Variants in MRPS11 observed in about 807,000 individuals in gnomAD.
MRPS11 encodes the protein small ribosomal subunit protein uS11m.
A neutral mutation model predicts 24.3 loss-of-function variants in MRPS11; 27 were observed. That is an observed-to-expected ratio of 1.11 (90% CI 0.82 to 1.53). The LOEUF (loss-of-function observed/expected upper bound fraction) is 1.53. MRPS11 is among the 40% of genes most tolerant of loss of function. MRPS11 has a pLI of 0.00. For synonymous variants in MRPS11, 104 were observed against 98.7 expected (o/e 1.05, Z -0.32); for missense variants, 277 against 256.5 (o/e 1.08, Z -0.55).
In MRPS11 at chr15:88,477,917, A is replaced by G. The variant is rs149376629; in HGVS notation, c.523A>G (p.Ile175Val). The change falls in exon 6 of 6, where the codon ATC (isoleucine) becomes GTC (valine). Residue 175 changes from isoleucine (I) to valine (V), a missense_variant. Transcript: ENST00000325844. This position sits in a 1 kb window ranked among gnomAD's most constrained non-coding sequence, Gnocchi z 5.7. ...LIMGGLEVIS[I>V]TDNTPIPHNG... ...CATGGGCGGCCTGGAAGTGATCTCA[A>G]TCACAGACAACACCCCAATCCCACA... 1.6e-4 allele frequency: 259 copies of G among 1,614,118 alleles called. No individual in the cohort carries two copies. Among genetic ancestry groups the G allele is most frequent in the Non-Finnish European group, 2.0e-4 (237 of 1,180,026 alleles).
In MRPS11 at chr15:88,474,350, G is replaced by A. The variant is rs540717744; in HGVS notation, c.282-760G>A. Among the ~76,000 whole-genome samples the A allele has an allele frequency of 5.9e-5, 9 of 152,020 alleles. No individual in the cohort carries two copies. The East Asian group carries it at 9.7e-4, about 16-fold the overall frequency. On this transcript the variant is annotated intron_variant, in intron 3 of 5. Transcript: ENST00000325844. ...CAAGGCGGGCAGATCACCTGAGGTCGGGAGTTCAAGACCGGCCTGCCCAAC... is the reference window on the plus strand; with the variant it reads ...CAAGGCGGGCAGATCACCTGAGGTCAGGAGTTCAAGACCGGCCTGCCCAAC...
Position 88,477,179 on chromosome 15 carries a change from C to A in MRPS11, c.477+125C>A. 1.1e-6 allele frequency: 1 copy of A among 883,854 alleles called. No individual in the cohort carries two copies. Among genetic ancestry groups the A allele is most frequent in the Non-Finnish European group, 1.8e-6 (1 of 554,306 alleles). The allele number at this position is 883,854 out of a possible 1,614,324, so 54.8% of individuals were successfully genotyped here. ...TGGATTTCCATGTTTGCTTGAAGTT[C>A]CCGTCTGTTGTTTCTATAATTGACC... On this transcript the variant is annotated intron_variant, in intron 5 of 5. Coordinates refer to ENST00000325844, the MANE Select transcript of MRPS11 (RefSeq NM_022839.5). The surrounding 1 kb of genome is among the most constrained non-coding windows in gnomAD (Gnocchi z 5.7).
chr15:88,467,804 G>C (rs1470239884), intron 1 of MRPS11, 22 bp downstream of exon 1: 4 of 1,613,844 alleles, frequency 2.5e-6, no homozygotes, highest in Non-Finnish European at 3.4e-6. Context: ...CTGCCCCCTC[G>C]AGCCCACCGC....
Position 88,469,641 on chromosome 15 carries a change from A to G in MRPS11, c.182+1617A>G, listed in dbSNP as rs2055644319. Among the ~76,000 whole-genome samples, 1 of 152,232 alleles carries G rather than the reference A, an allele frequency of 6.6e-6. No homozygotes were observed. Among genetic ancestry groups the G allele is most frequent in the South Asian group, 2.1e-4 (1 of 4,830 alleles). On this transcript the variant is annotated intron_variant, in intron 2 of 5. Coordinates refer to ENST00000325844, the MANE Select transcript of MRPS11 (RefSeq NM_022839.5). The surrounding 1 kb of genome is among the most constrained non-coding windows in gnomAD (Gnocchi z 4.4). ...AAGGGTTGACATGATCTTGCTGACAAGATCTTGTAAGCTCTTTGGCTGCTG... is the reference window on the plus strand; with the variant it reads ...AAGGGTTGACATGATCTTGCTGACAGGATCTTGTAAGCTCTTTGGCTGCTG...
At chr15:88,474,483 C>G (rs550185579) in intron 3 of MRPS11, among the ~76,000 whole-genome samples, 1 of 150,538 alleles carries the variant, frequency 6.6e-6, no homozygotes, top group African/African-American at 2.5e-5. Flanking sequence ...CACTTGAACC[C>G]GGGAGGCGGA....
chr15:88,468,283 A>G, intron 2 of MRPS11: 2 of 1,290,988 alleles, frequency 1.5e-6, no homozygotes, highest in Non-Finnish European at 2.0e-6. Context: ...TGAGATATCC[A>G]TAACATGTAT....
chr15:88,478,415 T>C lies in MRPS11; in HGVS notation c.*436T>C, dbSNP rs2055868008. Reference sequence around the variant, plus strand: ...CTTCTGGTTTCAGATATTTCTTTTCTAGCCCCTTACCCAAGATTTCTAGAG... The same window carrying C: ...CTTCTGGTTTCAGATATTTCTTTTCCAGCCCCTTACCCAAGATTTCTAGAG... On this transcript the variant is annotated 3_prime_UTR_variant, in exon 6 of 6. Transcript: ENST00000325844. The surrounding 1 kb of genome is among the most constrained non-coding windows in gnomAD (Gnocchi z 4.7). 6.2e-6 allele frequency: 1 copy of C among 162,006 alleles called. No individual in the cohort carries two copies. The highest frequency in any genetic ancestry group is 1.3e-5 in the Non-Finnish European group (1 of 74,578). The allele number at this position is 162,006 out of a possible 1,614,324, so 10.0% of individuals were successfully genotyped here.
intron 4 of MRPS11, 133 bp from the exon 5 acceptor site, chr15:88,476,856 C>G: frequency 1.2e-6 from 1 of 827,952 alleles, no homozygotes; most frequent in South Asian, 1.6e-5. Context: ...GCCATCTGCC[C>G]TTTGCCTCCC....
chr15:88,467,781 G>C lies in MRPS11; in HGVS notation c.64G>C (p.Gly22Arg), dbSNP rs201087926. Residue 22 changes from glycine to arginine, a missense_variant and splice_region_variant, in exon 1 of 6, where the codon GGC becomes CGC. Gly to Arg is a moderately radical substitution (Grantham distance 125). Coordinates refer to ENST00000325844, the MANE Select transcript of MRPS11 (RefSeq NM_022839.5). ...LRSWTWPQTA[G>R]RVVARTPAGT... Reference sequence around the variant, plus strand: ...GTCCTGGACTTGGCCCCAGACAGCCGGGTAACAAATGACTGCCCCCTCGAG... The same window carrying C: ...GTCCTGGACTTGGCCCCAGACAGCCCGGTAACAAATGACTGCCCCCTCGAG... The C allele has an allele frequency of 2.5e-4, 403 of 1,613,976 alleles. No homozygotes were observed. Among genetic ancestry groups the C allele is most frequent in the Non-Finnish European group, 3.3e-4 (386 of 1,180,036 alleles).
chr15:88,476,797 G>A (rs929277744), intron 4 of MRPS11, 192 bp from the exon 5 acceptor site: 19 of 589,148 alleles, frequency 3.2e-5, no homozygotes, highest in Admixed American at 5.9e-5. Context: ...CGTGAATTCT[G>A]CAACCTGCCA....
chr15:88,470,945 C>A (rs1000789126), intron 2 of MRPS11, among the ~76,000 whole-genome samples: 1 of 152,100 alleles, frequency 6.6e-6, no homozygotes, highest in African/African-American at 2.4e-5. Context: ...GGGAGCAGTG[C>A]AGTATAGAGG....
chr15:88,468,760 A>G (rs2055613585), intron 2 of MRPS11: 1 of 158,454 alleles, frequency 6.3e-6, no homozygotes, highest in African/African-American at 2.4e-5. Context: ...CTTTAATCCC[A>G]GCACTTTAGG....
At position 88,478,074 on chromosome 15, in the gene MRPS11, G is replaced by T; in HGVS notation, c.*95G>T. The T allele has an allele frequency of 4.0e-6, 4 of 1,000,256 alleles. No individual in the cohort carries two copies. The highest frequency in any genetic ancestry group is 6.2e-6 in the Non-Finnish European group (4 of 640,634). 62.0% of individuals were successfully genotyped at this position (1,000,256 alleles called of 1,614,324 possible). A position where few individuals can be genotyped will look rare whatever the true frequency, so the allele number is the denominator to read the frequency against. ...TGTCAGAGCTCTCCAGAATATGCTT[G>T]TTGGAGATCCTTCAGGCAGTAAGGG... is the stretch of plus-strand genomic sequence containing the variant. On this transcript the variant is annotated 3_prime_UTR_variant, in exon 6 of 6. Transcript: ENST00000325844. The surrounding 1 kb of genome is among the most constrained non-coding windows in gnomAD (Gnocchi z 4.7).
chr15:88,479,735 C>A lies in MRPS11; in HGVS notation c.*1756C>A, dbSNP rs16941963. 1 of 152,148 alleles carries A rather than the reference C, an allele frequency of 6.6e-6. No individual in the cohort carries two copies. The highest frequency in any genetic ancestry group is 2.4e-5 in the African/African-American group (1 of 41,396). The allele number at this position is 152,148 out of a possible 1,614,324, so 9.4% of individuals were successfully genotyped here. A position where few individuals can be genotyped will look rare whatever the true frequency, so the allele number is the denominator to read the frequency against. On this transcript the variant is annotated 3_prime_UTR_variant, in exon 6 of 6. Transcript: ENST00000325844. ...CATGGTGCACTTGAAAATTGCACTT[C>A]GCGATTTGATATGGTTTGGTGGACA...
In MRPS11 at chr15:88,475,060, A is replaced by T; in HGVS notation, c.282-50A>T. The T allele has an allele frequency of 6.2e-7, 1 of 1,604,602 alleles. No homozygotes were observed. The highest frequency in any genetic ancestry group is 1.3e-5 in the African/African-American group (1 of 74,718). On this transcript the variant is annotated intron_variant, in intron 3 of 5. Transcript: ENST00000325844. The surrounding 1 kb of genome is among the most constrained non-coding windows in gnomAD (Gnocchi z 4.1). ...TAGGGGCATAGATTAGCTCTCTCTT[A>T]TTTCCCTGAAGAAGAGTTGTATCCT...
chr15:88,468,192 C>G, intron 2 of MRPS11, 168 bp downstream of exon 2: 1 of 1,443,474 alleles, frequency 6.9e-7, no homozygotes, highest in Non-Finnish European at 9.1e-7. Flanking sequence ...GCGGATAATG[C>G]TGAGAGAGGT....
rs755249797 is a variant in MRPS11, at chr15:88,475,090, GCTT to G, written c.282-14_282-12del. 278 of 1,613,786 alleles carry G rather than the reference GCTT, an allele frequency of 1.7e-4. No homozygotes were observed. Among genetic ancestry groups the G allele is most frequent in the Non-Finnish European group, 2.3e-4 (270 of 1,179,878 alleles). On this transcript the variant is annotated splice_polypyrimidine_tract_variant and intron_variant, in intron 3 of 5. Transcript: ENST00000325844. This position sits in a 1 kb window ranked among gnomAD's most constrained non-coding sequence, Gnocchi z 4.1. ...CCTGAAGAAGAGTTGTATCCTATGTGCTTCTTCTACTTTTCTCAGCACACAGAT... is the reference window on the plus strand; with the variant it reads ...CCTGAAGAAGAGTTGTATCCTATGTGCTTCTACTTTTCTCAGCACACAGAT...
chr15:88,474,277 AGGCCG>A (rs765838027), intron 3 of MRPS11, among the ~76,000 whole-genome samples: 86 of 152,358 alleles, frequency 5.6e-4, no homozygotes, highest in Middle Eastern at 6.8e-3. Flanking sequence ...ATCCAATATG[AGGCCG>A]GGCGAGGTGG....
In MRPS11 at chr15:88,477,139, G is replaced by A; in HGVS notation, c.477+85G>A. The A allele has an allele frequency of 1.6e-6, 2 of 1,222,938 alleles. No homozygotes were observed. Among genetic ancestry groups the A allele is most frequent in the African/African-American group, 3.0e-5 (2 of 66,780 alleles). 75.8% of individuals were successfully genotyped at this position (1,222,938 alleles called of 1,614,324 possible). A position where few individuals can be genotyped will look rare whatever the true frequency, so the allele number is the denominator to read the frequency against. ...TTGAGAGCAGAGTACAGGGAGAGTA[G>A]AAAACACCTTTTAGTGGATTTCCAT... On this transcript the variant is annotated intron_variant, in intron 5 of 5. Coordinates refer to ENST00000325844, the MANE Select transcript of MRPS11 (RefSeq NM_022839.5). The surrounding 1 kb of genome is among the most constrained non-coding windows in gnomAD (Gnocchi z 5.7).
Sources: gnomAD v4.1 joint callset for allele counts (sites outside exome capture counted in the v4.1 genomes callset) on GRCh38, gnomAD v4.1.1 for gene constraint, Gnocchi (gnomAD v3.1) non-coding constraint, MANE v1.5 for transcripts, NCBI Gene and HGNC (gene_info 2026-07-23, HGNC 2026-07-21) for gene names.